Variants in GMCL1 observed in about 807,000 individuals in gnomAD.
GMCL1 encodes the protein germ cell-less protein-like 1.
GMCL1 carries 54 observed loss-of-function variants against 75.5 expected under a neutral mutation model. The ratio of observed to expected loss-of-function variants is 0.71; its 90% CI spans 0.57 to 0.90. GMCL1 has a LOEUF of 0.90. GMCL1 is among the 40% of genes least tolerant of loss of function. The probability of loss-of-function intolerance (pLI) is 0.00; values close to 1 mark genes in which losing one functional copy is unlikely to be tolerated. For synonymous variants in GMCL1, 210 were observed against 209.6 expected (o/e 1.00, Z -0.02); for missense variants, 537 against 622.7 (o/e 0.86, Z 1.47).
rs1675258179 is a variant in GMCL1 at position 69,849,733 on chromosome 2, CAG to C, written c.928_929del (p.Arg310GlufsTer4). On this transcript the variant is annotated frameshift_variant, in exon 8 of 14. Transcript: ENST00000282570. LOFTEE classifies it high-confidence loss of function. ...AGAAACAGATGTCTGGTTTTCTAAA[CAG>C]AGGAAAGGTAGGCCTGAAGTTTTTG... ...LTETDVWFSK[Q>X]RKDFEGMAFL... The C allele has an allele frequency of 6.3e-7, 1 of 1,582,094 alleles. No homozygotes were observed. Among genetic ancestry groups the C allele is most frequent in the Non-Finnish European group, 8.6e-7 (1 of 1,165,944 alleles).
intron 13 of GMCL1, among the ~76,000 whole-genome samples, chr2:69,873,182 C>A (rs889629081): frequency 6.6e-6 from 1 of 152,070 alleles, no homozygotes; most frequent in Non-Finnish European, 1.5e-5. Context: ...TGAATGCATA[C>A]CTGAACCAAG....
At chr2:69,836,549 G>A (rs758513185) in intron 1 of GMCL1, among the ~76,000 whole-genome samples, 31 of 152,060 alleles carry the variant, frequency 2.0e-4, no homozygotes, top group South Asian at 6.2e-4. Flanking sequence ...TTTTATTGTC[G>A]GCTAGGAAGA....
At chr2:69,855,113 AT>A (rs1371340040) in intron 9 of GMCL1, among the ~76,000 whole-genome samples, 153 bp downstream of exon 9, 1 of 152,026 alleles carries the variant, frequency 6.6e-6, no homozygotes, top group Admixed American at 6.6e-5. Flanking sequence ...TATAGAAGTA[AT>A]TTTCTGTGCT....
At position 69,847,939 on chromosome 2, in the gene GMCL1, G is replaced by A. The variant is rs148034839; in HGVS notation, c.843+312G>A. The stretch of plus-strand genomic sequence containing the variant: ...AATGTTTTATATTGTTTTTAGGAAC[G>A]TTTTCAAAGTTGAGCTTCAGTTAAT... On this transcript the variant is annotated intron_variant, in intron 7 of 13. Coordinates refer to ENST00000282570, the MANE Select transcript of GMCL1 (RefSeq NM_178439.5). Among the ~76,000 whole-genome samples the A allele has an allele frequency of 6.8e-3, 1,037 of 152,056 alleles. 12 individuals are homozygous for A. Among genetic ancestry groups the A allele is most frequent in the African/African-American group, 0.022 (929 of 41,466 alleles).
intron 13 of GMCL1, among the ~76,000 whole-genome samples, chr2:69,875,032 A>G (rs554369143): frequency 6.6e-6 from 1 of 152,352 alleles, no homozygotes; most frequent in Non-Finnish European, 1.5e-5. Flanking sequence ...GGCATGAGCC[A>G]CCAGGCCCAA....
chr2:69,833,864 G>A (rs1264988019), intron 1 of GMCL1, among the ~76,000 whole-genome samples: 2 of 152,100 alleles, frequency 1.3e-5, no homozygotes, highest in East Asian at 1.9e-4. Context: ...TGTTTTGTCC[G>A]TAGCTTGTCT....
intron 11 of GMCL1, among the ~76,000 whole-genome samples, chr2:69,868,556 TTTA>T (rs1675885124): frequency 6.6e-6 from 1 of 151,486 alleles, no homozygotes; most frequent in Admixed American, 6.6e-5. Context: ...TATTTTTATT[TTTA>T]TTTTTATTTT....
rs745810280 is a variant in GMCL1 at position 69,837,718 on chromosome 2, AAGTCATGTTCTTC to A, written c.384+49_384+61del. 3.3e-5 allele frequency: 52 copies of A among 1,564,494 alleles called. No individual in the cohort carries two copies. The South Asian group carries it at 5.9e-4, about 18-fold the overall frequency. On this transcript the variant is annotated intron_variant, in intron 2 of 13. Transcript: ENST00000282570. ...TAACAGGGTAGTCACTGAAACTCTT[AAGTCATGTTCTTC>A]CTCATTGCACTTCACAGTAATCTTT...
At chr2:69,865,035 C>A in intron 11 of GMCL1, 60 bp downstream of exon 11, 4 of 1,227,986 alleles carry the variant, frequency 3.3e-6, no homozygotes, top group East Asian at 2.4e-5. Context: ...GCACATCCTG[C>A]ACCTGTAAGT....
intron 6 of GMCL1, among the ~76,000 whole-genome samples, chr2:69,847,156 G>T (rs10206771): frequency 0.069 from 10,483 of 151,948 alleles, 953 homozygotes; most frequent in Admixed American, 0.22. Context: ...AAAACAAAAC[G>T]TAGAAGTGGA....
At chr2:69,839,238 A>G (rs1674911327) in intron 2 of GMCL1, among the ~76,000 whole-genome samples, 1 of 152,234 alleles carries the variant, frequency 6.6e-6, no homozygotes, top group Non-Finnish European at 1.5e-5. Flanking sequence ...TTTGTCAAAA[A>G]TAGTACTAAA....
chr2:69,857,917 C>CT (rs922366605), intron 9 of GMCL1, among the ~76,000 whole-genome samples: 6 of 151,902 alleles, frequency 3.9e-5, no homozygotes, highest in Middle Eastern at 3.2e-3. Flanking sequence ...TAGGAAGTAT[C>CT]TTTTTTTTGC....
chr2:69,847,715 A>G, intron 7 of GMCL1, 88 bp downstream of exon 7: 1 of 705,318 alleles, frequency 1.4e-6, no homozygotes, highest in South Asian at 2.0e-5. Context: ...GTATCCAGTA[A>G]TAAAGGGATG....
chr2:69,881,083 CTG>C lies in GMCL1; in HGVS notation c.*2081_*2082del, dbSNP rs1218834326. The C allele has an allele frequency of 6.6e-6, 1 of 152,164 alleles. No homozygotes were observed. The highest frequency in any genetic ancestry group is 2.4e-5 in the African/African-American group (1 of 41,446). The allele number at this position is 152,164 out of a possible 1,614,324, so 9.4% of individuals were successfully genotyped here. A position where few individuals can be genotyped will look rare whatever the true frequency, so the allele number is the denominator to read the frequency against. On this transcript the variant is annotated 3_prime_UTR_variant, in exon 14 of 14. Coordinates refer to ENST00000282570, the MANE Select transcript of GMCL1 (RefSeq NM_178439.5). The stretch of plus-strand genomic sequence containing the variant: ...TGATCATATTAATGAATAAAGTTAA[CTG>C]TTTCATTTCACTTACATAAGTTAAC...
At chr2:69,875,979 C>T (rs1322623690) in intron 13 of GMCL1, among the ~76,000 whole-genome samples, 3 of 152,116 alleles carry the variant, frequency 2.0e-5, no homozygotes, top group Admixed American at 6.5e-5. Context: ...TGTAAGCCAC[C>T]GCACCCAGCC....
At chr2:69,855,931 G>A (rs1241317112) in intron 9 of GMCL1, among the ~76,000 whole-genome samples, 3 of 152,156 alleles carry the variant, frequency 2.0e-5, no homozygotes, top group Admixed American at 1.3e-4. Flanking sequence ...AGAGATTGGG[G>A]AAAAGTCTGT....
intron 12 of GMCL1, among the ~76,000 whole-genome samples, chr2:69,871,020 C>T (rs1573373417): frequency 6.6e-6 from 1 of 152,158 alleles, no homozygotes; most frequent in African/African-American, 2.4e-5. Context: ...AGTTTCTCTT[C>T]TATAGACCAG....
Position 69,837,668 on chromosome 2 carries a change from C to T in GMCL1, c.382C>T (p.Gln128Ter). The T allele has an allele frequency of 6.3e-7, 1 of 1,593,770 alleles. No individual in the cohort carries two copies. The highest frequency in any genetic ancestry group is 8.5e-7 in the Non-Finnish European group (1 of 1,174,558). Residue 128 changes from glutamine to a stop codon, truncating the protein, a stop_gained and splice_region_variant, in exon 2 of 14, where the codon CAA (glutamine) becomes TAA (stop). Coordinates refer to ENST00000282570, the MANE Select transcript of GMCL1 (RefSeq NM_178439.5). LOFTEE classifies it high-confidence loss of function. Reference protein sequence around the residue: ...EWSLHKIYLCQSGYFSSMFSG... With the variant: ...EWSLHKIYLC ...GAGCTTACACAAAATATATTTATGT[C>T]AAGTAAGTATTTTTTCTATTTGAGT... is the stretch of plus-strand genomic sequence containing the variant.
intron 6 of GMCL1, among the ~76,000 whole-genome samples, chr2:69,846,439 A>C (rs1675147865): frequency 6.6e-6 from 1 of 152,236 alleles, no homozygotes; most frequent in Non-Finnish European, 1.5e-5. Flanking sequence ...AGTATATGAG[A>C]GGATGTGCAT....
Sources: allele counts gnomAD v4.1 joint callset (sites outside exome capture counted in the v4.1 genomes callset), GRCh38; gene constraint gnomAD v4.1.1; transcripts MANE v1.5; gene names NCBI Gene and HGNC (gene_info 2026-07-23, HGNC 2026-07-21).